Variants in ZNF624 observed in about 807,000 individuals in gnomAD.
ZNF624 encodes the protein zinc finger protein 624.
Under a neutral mutation model 74.7 loss-of-function variants are expected in ZNF624, and 43 were observed. That is an observed-to-expected ratio of 0.58 (90% CI 0.45 to 0.74). The LOEUF (loss-of-function observed/expected upper bound fraction) is 0.74. Ranked by LOEUF, ZNF624 falls within the 30% of genes least tolerant of loss-of-function variation. The pLI is 0.00. For missense variants in ZNF624, 820 were observed against 1,030.0 expected (o/e 0.80, Z 2.79); for synonymous variants, 331 against 341.3 (o/e 0.97, Z 0.33).
downstream of ZNF624, chr17:16,617,114 A>C (rs1480689408): frequency 6.2e-7 from 1 of 1,612,726 alleles, no homozygotes; most frequent in African/African-American, 1.3e-5. Flanking sequence ...TGTGAATGGG[A>C]GCCCCGATCA....
chr17:16,636,438 T>G (rs564341955), intron 3 of ZNF624, among the ~76,000 whole-genome samples: 18 of 152,316 alleles, frequency 1.2e-4, no homozygotes, highest in South Asian at 8.3e-4. Flanking sequence ...TAAAGAATCA[T>G]CAGCAGCTGC....
At chr17:16,619,821 G>C (rs1194544627), downstream of ZNF624, among the ~76,000 whole-genome samples, 3 of 152,214 alleles carry the variant, frequency 2.0e-5, no homozygotes, top group Non-Finnish European at 4.4e-5. Context: ...TGGGAGGGAG[G>C]GTTTAGATGT....
intron 3 of ZNF624, among the ~76,000 whole-genome samples, chr17:16,641,379 T>C (rs1460835244): frequency 6.6e-6 from 1 of 152,174 alleles, no homozygotes; most frequent in Non-Finnish European, 1.5e-5. Context: ...ACCTCCCCAG[T>C]TCAAGGGATC....
chr17:16,649,875 T>C, intron 1 of ZNF624, 129 bp from the exon 2 acceptor site: 2 of 691,924 alleles, frequency 2.9e-6, no homozygotes, highest in African/African-American at 1.8e-5. Flanking sequence ...TTAAGATCAG[T>C]GAGGGACAAA....
chr17:16,623,664 C>G lies in ZNF624; in HGVS notation c.1222G>C (p.Glu408Gln), dbSNP rs1241697949. Residue 408 changes from glutamate (E) to glutamine (Q), a missense_variant, in exon 6 of 6, where the codon GAA (glutamate) becomes CAA (glutamine). Coordinates refer to ENST00000311331, the MANE Select transcript of ZNF624 (RefSeq NM_020787.4). This position sits in a 1 kb window ranked among gnomAD's most constrained non-coding sequence, Gnocchi z 5.3. Reference protein sequence around the residue: ...SDKSKLARHQETHNGEKPYKC... With the variant: ...SDKSKLARHQQTHNGEKPYKC... ...TAGGGTTTCTCACCATTGTGAGTTT[C>G]CTGATGTCTTGCAAGTTTTGATTTA... 1.2e-6 allele frequency: 2 copies of G among 1,609,226 alleles called. No individual in the cohort carries two copies. Among genetic ancestry groups the G allele is most frequent in the Admixed American group, 3.4e-5 (2 of 58,962 alleles).
downstream of ZNF624, among the ~76,000 whole-genome samples, chr17:16,618,615 T>C (rs539739129): frequency 1.3e-4 from 20 of 152,306 alleles, no homozygotes; most frequent in African/African-American, 4.6e-4. Context: ...GTTTTAACTG[T>C]GTGGGACCAC....
intron 5 of ZNF624, among the ~76,000 whole-genome samples, chr17:16,629,838 A>C (rs1261294121): frequency 6.6e-6 from 1 of 152,238 alleles, no homozygotes; most frequent in Non-Finnish European, 1.5e-5. Context: ...CTGGGATTAC[A>C]AGCATGAGTC....
chr17:16,633,842 C>A lies in ZNF624; in HGVS notation c.376+20G>T. The A allele has an allele frequency of 6.3e-7, 1 of 1,579,692 alleles. No homozygotes were observed. Among genetic ancestry groups the A allele is most frequent in the Non-Finnish European group, 8.7e-7 (1 of 1,149,324 alleles). On this transcript the variant is annotated intron_variant, in intron 5 of 5. Transcript: ENST00000311331. The stretch of plus-strand genomic sequence containing the variant: ...TGTTACTTCAAATAAATCCCATCTT[C>A]TTGGTTCTGTTTAACTCACCAGGAT...
chr17:16,617,563 C>T (rs1908814948), downstream of ZNF624: 9 of 1,571,072 alleles, frequency 5.7e-6, no homozygotes, highest in African/African-American at 2.7e-5. Flanking sequence ...GTATTCTGTA[C>T]GAACAGGTGG....
At chr17:16,635,009 A>G (rs1909294119) in intron 3 of ZNF624, among the ~76,000 whole-genome samples, 1 of 152,180 alleles carries the variant, frequency 6.6e-6, no homozygotes, top group African/African-American at 2.4e-5. Context: ...CTGGCTTCCT[A>G]TAAATTATAA....
chr17:16,632,475 A>T (rs1022671825), intron 5 of ZNF624, among the ~76,000 whole-genome samples: 12 of 152,128 alleles, frequency 7.9e-5, no homozygotes, highest in Non-Finnish European at 1.6e-4. Flanking sequence ...CCCTCTTCGT[A>T]GGGGAAAAAA....
Position 16,647,219 on chromosome 17 carries a change from CCAAT to C in ZNF624, c.153+106_153+109del. 7 of 986,414 alleles carry C rather than the reference CCAAT, an allele frequency of 7.1e-6. No homozygotes were observed. The South Asian group carries it at 9.6e-5, about 14-fold the overall frequency. The allele number at this position is 986,414 out of a possible 1,614,324, so 61.1% of individuals were successfully genotyped here. A position where few individuals can be genotyped will look rare whatever the true frequency, so the allele number is the denominator to read the frequency against. On this transcript the variant is annotated intron_variant, in intron 3 of 5. Transcript: ENST00000311331. Reference sequence around the variant, plus strand: ...TGCCACCAGCCCTGGGGCTACCACACCAATCAAATAATCATTGTGAACTTGCAAT... The same window carrying C: ...TGCCACCAGCCCTGGGGCTACCACACCAAATAATCATTGTGAACTTGCAAT...
intron 5 of ZNF624, among the ~76,000 whole-genome samples, chr17:16,626,347 T>A (rs1909071680): frequency 6.6e-6 from 1 of 152,256 alleles, no homozygotes; most frequent in Non-Finnish European, 1.5e-5. Flanking sequence ...ATGCTGTTGC[T>A]ATTTATCATT....
intron 5 of ZNF624, among the ~76,000 whole-genome samples, chr17:16,628,872 C>T (rs1246688152): frequency 2.0e-5 from 3 of 151,776 alleles, no homozygotes; most frequent in African/African-American, 7.3e-5. Context: ...GTAGTAAAAC[C>T]GTTGAAAACT....
rs2142562940 is a variant in ZNF624 at position 16,622,062 on chromosome 17, A to G, written c.*226T>C. 2.9e-6 allele frequency: 1 copy of G among 347,018 alleles called. No homozygotes were observed. The highest frequency in any genetic ancestry group is 4.2e-5 in the Admixed American group (1 of 23,852). 21.5% of individuals were successfully genotyped at this position (347,018 alleles called of 1,614,324 possible). On this transcript the variant is annotated 3_prime_UTR_variant, in exon 6 of 6. Coordinates refer to ENST00000311331, the MANE Select transcript of ZNF624 (RefSeq NM_020787.4). The stretch of plus-strand genomic sequence containing the variant: ...AGATAATTTGTTAAATGAGTAAAGT[A>G]TGAAATCTGGATGAACACTTTCATT...
At chr17:16,633,785 T>C in intron 5 of ZNF624, 77 bp downstream of exon 5, 1 of 1,140,756 alleles carries the variant, frequency 8.8e-7, no homozygotes, top group Non-Finnish European at 1.3e-6. Flanking sequence ...CAAAATTATT[T>C]CAGATGTTCT....
At chr17:16,644,310 T>TTCA (rs1401206448) in intron 3 of ZNF624, among the ~76,000 whole-genome samples, 1 of 152,232 alleles carries the variant, frequency 6.6e-6, no homozygotes, top group Non-Finnish European at 1.5e-5. Flanking sequence ...CTTGTGAAAG[T>TTCA]AAATTCACTT....
At chr17:16,638,525 T>C (rs1296454415) in intron 3 of ZNF624, among the ~76,000 whole-genome samples, 2 of 152,134 alleles carry the variant, frequency 1.3e-5, no homozygotes, top group African/African-American at 4.8e-5. Flanking sequence ...TGGAATACTA[T>C]GCAGCCATAA....
downstream of ZNF624, chr17:16,617,048 C>T (rs562759745): frequency 5.0e-6 from 8 of 1,609,984 alleles, no homozygotes; most frequent in Admixed American, 1.2e-4. Flanking sequence ...TTGGGGGATC[C>T]GGACCGAGAC....
Sources: allele counts gnomAD v4.1 joint callset (sites outside exome capture counted in the v4.1 genomes callset), GRCh38; gene constraint gnomAD v4.1.1; non-coding constraint Gnocchi (gnomAD v3.1); transcripts MANE v1.5; gene names NCBI Gene and HGNC (gene_info 2026-07-23, HGNC 2026-07-21).